The following SEC31A variants were observed in gnomAD, a reference collection of about 807,000 sequenced individuals.
SEC31A encodes the protein SEC31 homolog A, COPII component.
SEC31A carries 70 observed loss-of-function variants against 151.0 expected under a neutral mutation model. The observed-to-expected ratio is 0.46, with a 90% CI of 0.38 to 0.57. The LOEUF is 0.57. Among genes scored for constraint, SEC31A ranks in the 20% least tolerant of loss-of-function variants. The pLI, the probability that SEC31A is intolerant of heterozygous loss-of-function variation, is 0.00. For synonymous variants in SEC31A, 475 were observed against 505.9 expected, an observed-to-expected ratio of 0.94 and a Z score of 0.82; for missense variants, 1,330 against 1,471.2, an observed-to-expected ratio of 0.90 and a Z score of 1.57.
rs564419235 is a variant in SEC31A, at chr4:82,862,050, T to C, written c.1549-342A>G. Among the ~76,000 whole-genome samples, 14 of 151,568 alleles carry C rather than the reference T, an allele frequency of 9.2e-5. No individual in the cohort carries two copies. In the South Asian group the frequency reaches 2.1e-3, roughly 23 times the overall value. ...GCCTTAGCCGCCCAAGTAGCTGGGA[T>C]TACAGGCATGTGCCACCACGCCCAG... On this transcript the variant is annotated intron_variant, in intron 13 of 26. Coordinates refer to ENST00000395310, the MANE Select transcript of SEC31A (RefSeq NM_001077207.4).
intron 7 of SEC31A, chr4:82,871,645 G>A (rs1457085028): frequency 4.1e-5 from 22 of 532,396 alleles, no homozygotes; most frequent in East Asian, 6.3e-5. Context: ...GCGTGGTGGC[G>A]CATGCATGTA....
chr4:82,856,666 G>A (rs907763192), intron 16 of SEC31A, among the ~76,000 whole-genome samples: 1 of 151,978 alleles, frequency 6.6e-6, no homozygotes, highest in African/African-American at 2.4e-5. Flanking sequence ...TAGGAGAATC[G>A]CTTGAACCCA....
chr4:82,857,949 T>C (rs1419379727), intron 14 of SEC31A, 185 bp from the exon 15 acceptor site: 1 of 458,326 alleles, frequency 2.2e-6, no homozygotes, highest in East Asian at 4.2e-5. Context: ...CCTCCCATTA[T>C]ATAATCATAA....
intron 3 of SEC31A, among the ~76,000 whole-genome samples, chr4:82,879,804 T>TAG (rs1344677841): frequency 1.3e-5 from 2 of 152,178 alleles, no homozygotes; most frequent in African/African-American, 4.8e-5. Flanking sequence ...CAATAGGGCA[T>TAG]AAGTACTTGA....
At position 82,851,441 on chromosome 4, in the gene SEC31A, T is replaced by C. The variant is rs745490982; in HGVS notation, c.2318A>G (p.Asn773Ser). 11 of 1,611,530 alleles carry C rather than the reference T, an allele frequency of 6.8e-6. No individual in the cohort carries two copies. The highest frequency in any genetic ancestry group is 1.3e-5 in the African/African-American group (1 of 74,842). ...GTCAATTCTAATTACCTGGTTGGTG[T>C]TGTCAGGAAGAAAAGCCAAGGCTGC... The part of the protein sequence containing the change: ...IAAALAFLPD[N>S]TNQPNIMQLR... The change falls in exon 19 of 27, where the codon AAC becomes AGC. Residue 773 changes from asparagine (N) to serine (S), a missense_variant. Coordinates refer to ENST00000395310, the MANE Select transcript of SEC31A (RefSeq NM_001077207.4).
At position 82,857,173 on chromosome 4, in the gene SEC31A, G is replaced by T. The variant is rs892757984; in HGVS notation, c.1703-43C>A. 4.5e-6 allele frequency: 7 copies of T among 1,567,102 alleles called. No homozygotes were observed. The African/African-American group carries it at 9.6e-5, about 22-fold the overall frequency. On this transcript the variant is annotated intron_variant, in intron 15 of 26. Coordinates refer to ENST00000395310, the MANE Select transcript of SEC31A (RefSeq NM_001077207.4). ...TACATCCAAGTTAAATAGAGTTTTT[G>T]TTACCAAAACCAACAACAAAGTACT...
In SEC31A at chr4:82,824,686, A is replaced by G; in HGVS notation, c.3292-12T>C. 1 of 1,611,478 alleles carries G rather than the reference A, an allele frequency of 6.2e-7. No homozygotes were observed. Among genetic ancestry groups the G allele is most frequent in the Non-Finnish European group, 8.5e-7 (1 of 1,179,330 alleles). On this transcript the variant is annotated splice_polypyrimidine_tract_variant and intron_variant, in intron 24 of 26. Transcript: ENST00000395310. The stretch of plus-strand genomic sequence containing the variant: ...AAAGACTGCACATGCTGGAAGAAAC[A>G]CACCAAAAACTGATCAGAAATGACC...
At chr4:82,863,254 G>A (rs1413220250) in intron 12 of SEC31A, 64 bp downstream of exon 12, 2 of 943,744 alleles carry the variant, frequency 2.1e-6, no homozygotes, top group Non-Finnish European at 3.3e-6. Flanking sequence ...AATCTGTGTA[G>A]AACTTTATTT....
At chr4:82,881,232 G>A (rs921418859) in intron 2 of SEC31A, among the ~76,000 whole-genome samples, 3 of 152,100 alleles carry the variant, frequency 2.0e-5, no homozygotes, top group Admixed American at 6.6e-5. Flanking sequence ...TTGGGAGGCC[G>A]AGATGGGTGG....
intron 7 of SEC31A, chr4:82,871,308 G>A: frequency 7.6e-7 from 1 of 1,324,186 alleles, no homozygotes; most frequent in Non-Finnish European, 9.7e-7. Context: ...GATTATACAT[G>A]CATACACACA....
chr4:82,831,175 A>T (rs1246028104), intron 22 of SEC31A: 1 of 160,430 alleles, frequency 6.2e-6, no homozygotes, highest in African/African-American at 2.4e-5. Flanking sequence ...TGACAGAGGG[A>T]ATTTATTTAA....
chr4:82,865,815 A>G (rs1212699438), intron 10 of SEC31A, among the ~76,000 whole-genome samples: 3 of 152,100 alleles, frequency 2.0e-5, no homozygotes, highest in Non-Finnish European at 4.4e-5. Context: ...TCAAGGGCAC[A>G]GAGTTTCAGT....
At chr4:82,863,463 C>A in intron 11 of SEC31A, 71 bp from the exon 12 acceptor site, 3 of 796,978 alleles carry the variant, frequency 3.8e-6, no homozygotes, top group South Asian at 1.7e-5. Context: ...AAGAATGAAT[C>A]AAATTCCAAA....
chr4:82,850,341 T>C (rs1323430208), intron 19 of SEC31A, among the ~76,000 whole-genome samples: 2 of 152,180 alleles, frequency 1.3e-5, no homozygotes, highest in South Asian at 2.1e-4. Flanking sequence ...GAAAAGATTA[T>C]GTATCAGCTA....
At chr4:82,837,197 A>AT (rs1332841649) in intron 22 of SEC31A, among the ~76,000 whole-genome samples, 4 of 55,692 alleles carry the variant, frequency 7.2e-5, no homozygotes, top group Admixed American at 2.8e-4. Flanking sequence ...ATATATATAT[A>AT]TAATTTCACC....
intron 6 of SEC31A, among the ~76,000 whole-genome samples, chr4:82,873,049 C>CG (rs1737099148): frequency 6.6e-6 from 1 of 151,790 alleles, no homozygotes; most frequent in South Asian, 2.1e-4. Flanking sequence ...AAACGAAAAA[C>CG]AAAAAACAGA....
chr4:82,881,045 T>C (rs1739174973), intron 2 of SEC31A, 123 bp from the exon 3 acceptor site: 6 of 754,566 alleles, frequency 8.0e-6, no homozygotes, highest in Non-Finnish European at 1.3e-5. Context: ...CATATGCCAT[T>C]GAGCAGATGC....
chr4:82,833,616 T>C (rs1023922864), intron 22 of SEC31A, among the ~76,000 whole-genome samples: 1 of 151,374 alleles, frequency 6.6e-6, no homozygotes, highest in African/African-American at 2.4e-5. Flanking sequence ...CCAAAGTTTA[T>C]AGCAGTGGAC....
intron 21 of SEC31A, 65 bp downstream of exon 21, chr4:82,844,321 A>G (rs1002987159): frequency 1.9e-6 from 3 of 1,547,014 alleles, no homozygotes; most frequent in African/African-American, 2.7e-5. Context: ...TGGGGCTTCA[A>G]AGTAAAGTTA....
Sources: gnomAD v4.1 joint callset for allele counts (sites outside exome capture counted in the v4.1 genomes callset) on GRCh38, gnomAD v4.1.1 for gene constraint, MANE v1.5 for transcripts, NCBI Gene and HGNC (gene_info 2026-07-23, HGNC 2026-07-21) for gene names.